The following CNTNAP2 variants were observed in gnomAD, a reference collection of about 807,000 sequenced individuals.
The protein encoded by CNTNAP2 is contactin associated protein 2.
A neutral mutation model predicts 155.2 loss-of-function variants in CNTNAP2; 98 were observed. The ratio of observed to expected loss-of-function variants is 0.63; its 90% confidence interval spans 0.54 to 0.75. The LOEUF (loss-of-function observed/expected upper bound fraction) is 0.75. Among genes scored for constraint, CNTNAP2 ranks in the 30% least tolerant of loss-of-function variants. The pLI is 0.00. For missense variants in CNTNAP2, 1,727 were observed against 1,688.1 expected (o/e 1.02, Z -0.40); for synonymous variants, 651 against 631.2 (o/e 1.03, Z -0.47).
intron 1 of CNTNAP2, among the ~76,000 whole-genome samples, chr7:146,705,286 G>C (rs1192407573): frequency 6.6e-6 from 1 of 152,114 alleles, no homozygotes; most frequent in Non-Finnish European, 1.5e-5. Flanking sequence ...CAACGAATAT[G>C]TATTTCTCAC....
chr7:146,825,401 G>C (rs1449503743), intron 2 of CNTNAP2, among the ~76,000 whole-genome samples: 1 of 152,130 alleles, frequency 6.6e-6, no homozygotes, highest in East Asian at 1.9e-4. Context: ...TAAGTAATGT[G>C]TGTAGCAAGT....
intron 3 of CNTNAP2, among the ~76,000 whole-genome samples, chr7:146,927,462 C>T (rs894711888): frequency 1.3e-5 from 2 of 151,930 alleles, no homozygotes; most frequent in African/African-American, 4.8e-5. Context: ...CCTTGAAAAA[C>T]TTATTTTGTA....
chr7:147,470,467 A>C (rs1337354870), intron 10 of CNTNAP2, among the ~76,000 whole-genome samples: 1 of 152,032 alleles, frequency 6.6e-6, no homozygotes, highest in Non-Finnish European at 1.5e-5. Flanking sequence ...ATAGCAGTAG[A>C]GATGGTAGCT....
intron 21 of CNTNAP2, chr7:148,339,496 C>T (rs1328855055): frequency 2.0e-5 from 3 of 152,198 alleles, no homozygotes; most frequent in African/African-American, 7.2e-5. Context: ...GCGGTGGACT[C>T]AAAGCTGCCC....
intron 11 of CNTNAP2, among the ~76,000 whole-genome samples, chr7:147,529,489 G>T (rs1057337761): frequency 6.6e-6 from 1 of 152,074 alleles, no homozygotes; most frequent in African/African-American, 2.4e-5. Flanking sequence ...TAACACTGTG[G>T]CTTTTTGAGA....
chr7:147,404,562 A>G (rs1330310298), intron 10 of CNTNAP2, among the ~76,000 whole-genome samples: 3 of 152,206 alleles, frequency 2.0e-5, no homozygotes, highest in African/African-American at 7.2e-5. Context: ...AAATGAAACT[A>G]CTGGCAATTT....
At chr7:146,192,527 A>G (rs1268628658) in intron 1 of CNTNAP2, among the ~76,000 whole-genome samples, 2 of 152,196 alleles carry the variant, frequency 1.3e-5, no homozygotes, top group African/African-American at 2.4e-5. Context: ...GCAAGAGAGC[A>G]TGTGCAGAGG....
intron 8 of CNTNAP2, among the ~76,000 whole-genome samples, chr7:147,272,934 C>T (rs148801840): frequency 3.4e-4 from 52 of 152,210 alleles, no homozygotes; most frequent in African/African-American, 1.2e-3. Flanking sequence ...GTTAGAATAA[C>T]GTACATAAAA....
chr7:147,423,275 G>C (rs1475434880), intron 10 of CNTNAP2, among the ~76,000 whole-genome samples: 6 of 148,826 alleles, frequency 4.0e-5, no homozygotes, highest in African/African-American at 1.5e-4. Flanking sequence ...TAATTTATAG[G>C]TGTCTCTTAA....
chr7:148,002,126 T>A (rs1801909555), intron 15 of CNTNAP2, among the ~76,000 whole-genome samples: 1 of 152,210 alleles, frequency 6.6e-6, no homozygotes, highest in South Asian at 2.1e-4. Flanking sequence ...CATGTATAGT[T>A]AATTATTATG....
chr7:148,313,728 C>T (rs564089837), intron 21 of CNTNAP2, among the ~76,000 whole-genome samples: 2 of 152,148 alleles, frequency 1.3e-5, no homozygotes, highest in Non-Finnish European at 2.9e-5. Context: ...GTCTGAGCAC[C>T]GGAATTTAAT....
chr7:147,261,570 C>T (rs553442141), intron 8 of CNTNAP2, among the ~76,000 whole-genome samples: 45 of 151,322 alleles, frequency 3.0e-4, no homozygotes, highest in African/African-American at 1.0e-3. Flanking sequence ...AAAAAAAAAC[C>T]TACCATGAAG....
chr7:147,357,292 A>G (rs1796079981), intron 9 of CNTNAP2, among the ~76,000 whole-genome samples: 2 of 152,196 alleles, frequency 1.3e-5, no homozygotes, highest in South Asian at 2.1e-4. Context: ...GTGCTCCTGC[A>G]TCTAGACTGG....
intron 18 of CNTNAP2, among the ~76,000 whole-genome samples, chr7:148,207,044 C>A (rs1795461188): frequency 6.6e-6 from 1 of 152,178 alleles, no homozygotes; most frequent in Non-Finnish European, 1.5e-5. Flanking sequence ...TGTCTCCCAA[C>A]CCACCGCAAA....
intron 21 of CNTNAP2, among the ~76,000 whole-genome samples, chr7:148,267,649 T>C (rs1341775991): frequency 8.0e-6 from 1 of 125,656 alleles, no homozygotes; most frequent in Non-Finnish European, 1.6e-5. Flanking sequence ...AGCGAGACTC[T>C]GTCTCAAAAA....
intron 8 of CNTNAP2, among the ~76,000 whole-genome samples, chr7:147,299,182 C>T (rs1179391785): frequency 6.6e-6 from 1 of 150,398 alleles, no homozygotes; most frequent in Non-Finnish European, 1.5e-5. Context: ...GAAAGCCCCT[C>T]TGGCCCTCTT....
chr7:147,000,171 A>T (rs1035901144), intron 3 of CNTNAP2, among the ~76,000 whole-genome samples: 13 of 151,896 alleles, frequency 8.6e-5, no homozygotes, highest in African/African-American at 2.9e-4. Flanking sequence ...ATAGATTTTT[A>T]AAATTTCATT....
chr7:148,192,565 G>A (rs940722506), intron 18 of CNTNAP2, among the ~76,000 whole-genome samples: 2 of 150,732 alleles, frequency 1.3e-5, no homozygotes, highest in African/African-American at 4.9e-5. Flanking sequence ...AACTCTCCAT[G>A]CAGTGAGCCG....
At chr7:146,523,406 T>G (rs1026829844) in intron 1 of CNTNAP2, among the ~76,000 whole-genome samples, 6 of 152,098 alleles carry the variant, frequency 3.9e-5, no homozygotes, top group African/African-American at 7.2e-5. Flanking sequence ...CAATATCCCC[T>G]TATTGTATAA....
Sources: gnomAD v4.1 joint callset for allele counts (sites outside exome capture counted in the v4.1 genomes callset) on GRCh38, gnomAD v4.1.1 for gene constraint, MANE v1.5 for transcripts, NCBI Gene and HGNC (gene_info 2026-07-23, HGNC 2026-07-21) for gene names.